SLCO1C1: variants seen among roughly 807,000 people sequenced by gnomAD.
SLCO1C1 encodes solute carrier organic anion transporter family member 1C1, also known as OAT-RP-5.
Under a neutral mutation model 76.4 loss-of-function variants are expected in SLCO1C1, and 70 were observed. The observed-to-expected ratio is 0.92, with a 90% CI of 0.76 to 1.12. The LOEUF (loss-of-function observed/expected upper bound fraction) is 1.12, where lower values mean the gene tolerates loss of function less well. SLCO1C1 is among the 50% of genes most tolerant of loss of function. The probability of loss-of-function intolerance (pLI) is 0.00; values close to 1 mark genes in which losing one functional copy is unlikely to be tolerated. For missense variants in SLCO1C1, 912 were observed against 823.8 expected (o/e 1.11, Z -1.31); for synonymous variants, 306 against 286.1 (o/e 1.07, Z -0.70).
chr12:20,712,782 A>G (rs866610129), intron 5 of SLCO1C1, among the ~76,000 whole-genome samples: 6 of 152,138 alleles, frequency 3.9e-5, no homozygotes, highest in Non-Finnish European at 8.8e-5. Context: ...GGGCCAAAGG[A>G]CTAAAAACAT....
intron 13 of SLCO1C1, among the ~76,000 whole-genome samples, chr12:20,750,472 A>G (rs1161869672): frequency 6.6e-6 from 1 of 152,158 alleles, no homozygotes; most frequent in Non-Finnish European, 1.5e-5. Flanking sequence ...TCTGGAGATA[A>G]ATAAATGGCA....
At chr12:20,711,300 A>G in intron 4 of SLCO1C1, 86 bp from the exon 5 acceptor site, 2 of 1,431,860 alleles carry the variant, frequency 1.4e-6, no homozygotes, top group Non-Finnish European at 1.9e-6. Flanking sequence ...TCAACCTGGT[A>G]CCCTAACGAT....
At chr12:20,748,096 T>A (rs1949130043) in intron 13 of SLCO1C1, among the ~76,000 whole-genome samples, 1 of 152,222 alleles carries the variant, frequency 6.6e-6, no homozygotes, top group Admixed American at 6.5e-5. Context: ...ACCCAATTAC[T>A]GCTTAAATTC....
At chr12:20,742,429 C>T (rs778774790) in intron 12 of SLCO1C1, among the ~76,000 whole-genome samples, 4 of 151,458 alleles carry the variant, frequency 2.6e-5, no homozygotes, top group African/African-American at 4.9e-5. Flanking sequence ...TTATATACAT[C>T]ATTATGATTA....
At chr12:20,697,671 TTTGAATTA>T in intron 1 of SLCO1C1, among the ~76,000 whole-genome samples, 1 of 152,248 alleles carries the variant, frequency 6.6e-6, no homozygotes, top group South Asian at 2.1e-4. Flanking sequence ...TATTTTTTAT[TTTGAATTA>T]TTCATGTGGT....
intron 3 of SLCO1C1, among the ~76,000 whole-genome samples, chr12:20,704,679 A>G (rs974516512): frequency 2.5e-4 from 38 of 151,292 alleles, no homozygotes; most frequent in African/African-American, 8.5e-4. Flanking sequence ...TTTCCAGTTT[A>G]CTAAAGCTGG....
rs529569614 is a variant in SLCO1C1, at chr12:20,750,403, A to G, written c.1799-272A>G. 4.6e-5 allele frequency among the ~76,000 whole-genome samples: 7 copies of G among 152,322 alleles called. No individual in the cohort carries two copies. In the South Asian group the frequency reaches 1.4e-3, roughly 32 times the overall value. On this transcript the variant is annotated intron_variant, in intron 13 of 14. Transcript: ENST00000266509. ...ACTGGGCTTCCACTGATAAAGGGACAGGTCTATAGGGGAAGAAGTTGAGCT... is the reference window on the plus strand; with the variant it reads ...ACTGGGCTTCCACTGATAAAGGGACGGGTCTATAGGGGAAGAAGTTGAGCT...
rs1490208288 is a variant in SLCO1C1, at chr12:20,740,811, ATATATATG to A, written c.1733+444_1733+451del. ...TTTATATATATATATATATATATAT[ATATATATG>A]GCTTTATCTGTATATTTTTGCCATG... is the stretch of plus-strand genomic sequence containing the variant. On this transcript the variant is annotated intron_variant, in intron 12 of 14. Transcript: ENST00000266509. 4.1e-3 allele frequency among the ~76,000 whole-genome samples: 539 copies of A among 131,986 alleles called. 44 individuals carry two copies. The highest frequency in any genetic ancestry group is 6.5e-3 in the Non-Finnish European group (403 of 61,662). The allele number at this position is 131,986 out of a possible 152,430, so 86.6% of individuals were successfully genotyped here. A position where few individuals can be genotyped will look rare whatever the true frequency, so the allele number is the denominator to read the frequency against.
At chr12:20,711,123 T>G (rs1417168831) in intron 4 of SLCO1C1, among the ~76,000 whole-genome samples, 2 of 152,224 alleles carry the variant, frequency 1.3e-5, no homozygotes, top group African/African-American at 4.8e-5. Flanking sequence ...TGAATTTGTG[T>G]TGGGCTGCAT....
At chr12:20,724,817 A>G (rs1947882208) in intron 9 of SLCO1C1, among the ~76,000 whole-genome samples, 2 of 146,746 alleles carry the variant, frequency 1.4e-5, no homozygotes, top group Admixed American at 6.9e-5. Context: ...GCTTTCAACT[A>G]ATAGTTATTT....
chr12:20,735,227 A>G (rs2120842953), intron 10 of SLCO1C1, among the ~76,000 whole-genome samples: 1 of 152,358 alleles, frequency 6.6e-6, no homozygotes, highest in South Asian at 2.1e-4. Context: ...AAAACTGAAG[A>G]CAAGTCTTAG....
chr12:20,741,112 C>T (rs1948799944), intron 12 of SLCO1C1, among the ~76,000 whole-genome samples: 1 of 151,814 alleles, frequency 6.6e-6, no homozygotes, highest in South Asian at 2.1e-4. Flanking sequence ...GAGGGAAGAG[C>T]CTCTTATAAA....
intron 9 of SLCO1C1, among the ~76,000 whole-genome samples, chr12:20,724,144 A>G (rs61921515): frequency 0.17 from 26,025 of 151,730 alleles, 2,917 homozygotes; most frequent in Non-Finnish European, 0.25. Context: ...TTTACTTTTA[A>G]CATCAATTGA....
In SLCO1C1 at chr12:20,717,648, CTTTTTTTTTTTTTTT is replaced by C. The variant is rs534946900; in HGVS notation, c.775+448_775+462del. On this transcript the variant is annotated intron_variant, in intron 7 of 14. Transcript: ENST00000266509. ...GTCTACTGGCAACCAAACAGCCCTTCTTTTTTTTTTTTTTTTTTTTTTTTTTTTTTTTTTTTTTTT... is the reference window on the plus strand; with the variant it reads ...GTCTACTGGCAACCAAACAGCCCTTCTTTTTTTTTTTTTTTTTTTTTTTTT... 1.7e-3 allele frequency among the ~76,000 whole-genome samples: 72 copies of C among 42,304 alleles called. No individual in the cohort carries two copies. The East Asian group carries it at 0.029, about 17-fold the overall frequency. 27.8% of individuals were successfully genotyped at this position (42,304 alleles called of 152,430 possible).
chr12:20,704,407 A>G (rs1946678572), intron 3 of SLCO1C1, among the ~76,000 whole-genome samples: 2 of 151,780 alleles, frequency 1.3e-5, no homozygotes, highest in Non-Finnish European at 3.0e-5. Flanking sequence ...GTGAATGTCA[A>G]CTTTCATTTT....
chr12:20,752,682 A>G lies in SLCO1C1; in HGVS notation c.*154A>G. 1 of 488,988 alleles carries G rather than the reference A, an allele frequency of 2.0e-6. No homozygotes were observed. The highest frequency in any genetic ancestry group is 3.5e-6 in the Non-Finnish European group (1 of 284,826). 30.3% of individuals were successfully genotyped at this position (488,988 alleles called of 1,614,324 possible). On this transcript the variant is annotated 3_prime_UTR_variant, in exon 15 of 15. Transcript: ENST00000266509. ...TAGGCATTAGGTAATATAACTGATA[A>G]TATACTGAAACATATAATGGAAGAT...
At chr12:20,739,205 G>T (rs1195715941) in intron 11 of SLCO1C1, among the ~76,000 whole-genome samples, 2 of 152,108 alleles carry the variant, frequency 1.3e-5, no homozygotes, top group African/African-American at 2.4e-5. Flanking sequence ...TGCCTAAAAT[G>T]AGAGTCTATT....
chr12:20,711,012 A>G (rs1311195029), intron 4 of SLCO1C1, among the ~76,000 whole-genome samples: 3 of 130,736 alleles, frequency 2.3e-5, no homozygotes, highest in African/African-American at 9.7e-5. Flanking sequence ...CCACATTGGA[A>G]GAAGAAGAAT....
intron 1 of SLCO1C1, among the ~76,000 whole-genome samples, chr12:20,696,381 G>A (rs533099996): frequency 1.3e-5 from 2 of 152,176 alleles, no homozygotes; most frequent in East Asian, 1.9e-4. Flanking sequence ...CTTTCTCTGT[G>A]GCAGTCCTTG....
Sources: allele counts gnomAD v4.1 joint callset (sites outside exome capture counted in the v4.1 genomes callset), GRCh38; gene constraint gnomAD v4.1.1; transcripts MANE v1.5; gene names NCBI Gene and HGNC (gene_info 2026-07-23, HGNC 2026-07-21).